Variants in RESF1 observed in about 807,000 individuals in gnomAD.
RESF1 encodes gonad expressed transcript.
RESF1 carries 65 observed loss-of-function variants against 134.7 expected under a neutral mutation model. The observed-to-expected ratio is 0.48, with a 90% confidence interval of 0.40 to 0.59. RESF1 has a LOEUF of 0.59. RESF1 is among the 20% of genes least tolerant of loss of function. RESF1 has a pLI of 0.00. For missense variants in RESF1, 2,274 were observed against 2,002.7 expected (o/e 1.14, Z -2.59); for synonymous variants, 762 against 702.2 (o/e 1.09, Z -1.35).
At position 31,984,552 on chromosome 12, in the gene RESF1, G is replaced by A. The variant is rs752064874; in HGVS notation, c.3597G>A (p.Glu1199=). The change falls in exon 4 of 6, where the codon GAG becomes GAA. Residue 1199 remains glutamate (E), a synonymous_variant. Coordinates refer to ENST00000312561, the MANE Select transcript of RESF1 (RefSeq NM_018169.4). ...QCNSIKNSSS[E]EEKQKEQCSP... The stretch of plus-strand genomic sequence containing the variant: ...ATTCCATCAAGAACTCATCTTCAGA[G>A]GAAGAGAAACAAAAAGAGCAGTGTT... 2.5e-6 allele frequency: 4 copies of A among 1,587,562 alleles called. No individual in the cohort carries two copies. Among genetic ancestry groups the A allele is most frequent in the Non-Finnish European group, 2.6e-6 (3 of 1,168,682 alleles).
At chr12:31,986,099 G>C in intron 4 of RESF1, 142 bp downstream of exon 4, 1 of 453,758 alleles carries the variant, frequency 2.2e-6, no homozygotes, top group Non-Finnish European at 3.7e-6. Flanking sequence ...TGTTTTGCCT[G>C]GTAAACCAAT....
chr12:31,982,290 A>G lies in RESF1; in HGVS notation c.1335A>G (p.Leu445=). ...SEPAQNSKLS[L]KQTAKIQSGP... is the part of the protein sequence containing the mutation. ...CAGCTCAGAATTCTAAATTGTCTCT[A>G]AAACAAACTGCCAAAATCCAGTCTG... Residue 445 remains leucine (L), a synonymous_variant, in exon 4 of 6, where the codon CTA becomes CTG. Transcript: ENST00000312561. 6.2e-7 allele frequency: 1 copy of G among 1,614,144 alleles called. No homozygotes were observed. The highest frequency in any genetic ancestry group is 8.5e-7 in the Non-Finnish European group (1 of 1,180,036).
chr12:31,973,117 G>A (rs931260745), intron 3 of RESF1, among the ~76,000 whole-genome samples: 2 of 152,052 alleles, frequency 1.3e-5, no homozygotes, highest in East Asian at 1.9e-4. Context: ...ATCTTGGGGC[G>A]AGAATTTATT....
chr12:31,964,625 T>G (rs1369410840), intron 2 of RESF1, among the ~76,000 whole-genome samples: 1 of 152,220 alleles, frequency 6.6e-6, no homozygotes, highest in Non-Finnish European at 1.5e-5. Flanking sequence ...TTGGTCTACA[T>G]CCATAGACAC....
intron 5 of RESF1, 108 bp from the exon 6 acceptor site, chr12:31,992,270 C>A: frequency 1.0e-6 from 1 of 961,852 alleles, no homozygotes; most frequent in Non-Finnish European, 1.6e-6. Context: ...TAACTCCTTG[C>A]CTTAATTTTT....
Position 31,987,180 on chromosome 12 carries a change from A to G in RESF1, c.5003-59A>G, listed in dbSNP as rs143924012. On this transcript the variant is annotated intron_variant, in intron 4 of 5. Coordinates refer to ENST00000312561, the MANE Select transcript of RESF1 (RefSeq NM_018169.4). ...TCAGCTTACATGATTTTCCTTTGTTATAGTACTAAAGGAGATGATTAGCAA... is the reference window on the plus strand; with the variant it reads ...TCAGCTTACATGATTTTCCTTTGTTGTAGTACTAAAGGAGATGATTAGCAA... The G allele has an allele frequency of 1.4e-4, 130 of 908,440 alleles. No individual in the cohort carries two copies. The African/African-American group carries it at 1.9e-3, about 13-fold the overall frequency. The allele number at this position is 908,440 out of a possible 1,614,324, so 56.3% of individuals were successfully genotyped here.
In RESF1 at chr12:31,982,481, A is replaced by G. The variant is rs142900295; in HGVS notation, c.1526A>G (p.Tyr509Cys). 5.6e-6 allele frequency: 9 copies of G among 1,613,622 alleles called. No individual in the cohort carries two copies. The African/African-American group carries it at 6.7e-5, about 12-fold the overall frequency. The change falls in exon 4 of 6, where the codon TAT becomes TGT. Residue 509 changes from tyrosine to cysteine, a missense_variant. Transcript: ENST00000312561. ...QVDSVLPNPV[Y>C]SEKRPMPDSS... ...GATTCTGTTTTACCAAATCCTGTCT[A>G]TTCTGAAAAGCGGCCAATGCCAGAC...
intron 1 of RESF1, chr12:31,959,783 C>G (rs1592246358): frequency 6.6e-6 from 1 of 151,974 alleles, no homozygotes; most frequent in Admixed American, 6.6e-5. Flanking sequence ...AGCCTTGCAC[C>G]GGAGGGCGGG....
chr12:31,961,303 GT>G lies in RESF1; in HGVS notation c.-247+433del, dbSNP rs1939261775. ...GGGCTTTCATCTGTAACCACAAAGT[GT>G]GTTAGGAAGTCTCACCTAATGATTA... On this transcript the variant is annotated intron_variant, in intron 2 of 5. Transcript: ENST00000312561. Among the ~76,000 whole-genome samples the G allele has an allele frequency of 2.6e-5, 4 of 152,230 alleles. 1 individual carries two copies. Among genetic ancestry groups the G allele is most frequent in the South Asian group, 4.1e-4 (2 of 4,834 alleles).
At chr12:31,980,801 A>G (rs890746350) in intron 3 of RESF1, 77 bp from the exon 4 acceptor site, 5 of 584,866 alleles carry the variant, frequency 8.5e-6, no homozygotes, top group Non-Finnish European at 1.5e-5. Context: ...ATTAGGATGG[A>G]CAGTCAGCTA....
Position 31,981,671 on chromosome 12 carries a change from A to T in RESF1, c.716A>T (p.His239Leu). The change falls in exon 4 of 6, where the codon CAT (histidine) becomes CTT (leucine). Residue 239 changes from histidine to leucine, a missense_variant. Transcript: ENST00000312561. ...ATTCAAAAACAAAACTTTATACCAC[A>T]TACATCATTGCAAGTTAAAAATAGT... is the stretch of plus-strand genomic sequence containing the variant. Reference protein sequence around the residue: ...STIQKQNFIPHTSLQVKNSQL... With the variant: ...STIQKQNFIPLTSLQVKNSQL... 1 of 1,613,902 alleles carries T rather than the reference A, an allele frequency of 6.2e-7. No individual in the cohort carries two copies. Among genetic ancestry groups the T allele is most frequent in the Non-Finnish European group, 8.5e-7 (1 of 1,179,970 alleles).
rs894085076 is a variant in RESF1, at chr12:31,980,880, T to G, written c.-76T>G. 8.4e-6 allele frequency: 9 copies of G among 1,066,068 alleles called. No individual in the cohort carries two copies. The African/African-American group carries it at 1.3e-4, about 15-fold the overall frequency. 66.0% of individuals were successfully genotyped at this position (1,066,068 alleles called of 1,614,324 possible). On this transcript the variant is annotated splice_region_variant and 5_prime_UTR_variant, in exon 4 of 6. The change creates a new upstream start codon in the 5' untranslated region. Coordinates refer to ENST00000312561, the MANE Select transcript of RESF1 (RefSeq NM_018169.4). Reference sequence around the variant, plus strand: ...TAAAATATCTTTATTTCTTACAGATTCCTGACATTCAGACAACTGACTTGT... The same window carrying G: ...TAAAATATCTTTATTTCTTACAGATGCCTGACATTCAGACAACTGACTTGT...
Position 31,992,473 on chromosome 12 carries a change from AC to A in RESF1, c.5184del (p.Tyr1729ThrfsTer18), listed in dbSNP as rs1194341569. On this transcript the variant is annotated frameshift_variant, in exon 6 of 6. Transcript: ENST00000312561. LOFTEE classifies it high-confidence loss of function. ...PVKDSKEMFQ[T>X]YKQMYLEKRS... ...AAAAGATTCAAAAGAAATGTTTCAA[AC>A]CTACAAACAGATGTACCTGGAGAAG... 1.9e-6 allele frequency: 3 copies of A among 1,614,068 alleles called. No homozygotes were observed. Among genetic ancestry groups the A allele is most frequent in the Non-Finnish European group, 2.5e-6 (3 of 1,179,948 alleles).
Position 31,983,085 on chromosome 12 carries a change from C to A in RESF1, c.2130C>A (p.Asn710Lys), listed in dbSNP as rs1052174121. 3 of 1,613,532 alleles carry A rather than the reference C, an allele frequency of 1.9e-6. No homozygotes were observed. Among genetic ancestry groups the A allele is most frequent in the Non-Finnish European group, 2.5e-6 (3 of 1,179,906 alleles). ...CAGTTGGAATTTCAAAGCCTGCTAA[C>A]ATCCACGTTAAGAGTCCTTGTTCAG... is the stretch of plus-strand genomic sequence containing the variant. ...TTAVGISKPA[N>K]IHVKSPCSVV... Residue 710 changes from asparagine (N) to lysine (K), a missense_variant, in exon 4 of 6, where the codon AAC (asparagine) becomes AAA (lysine). Transcript: ENST00000312561.
chr12:31,973,257 G>A (rs772860151), intron 3 of RESF1, among the ~76,000 whole-genome samples: 69 of 151,498 alleles, frequency 4.6e-4, no homozygotes, highest in Admixed American at 6.6e-4. Context: ...GACTGCAGCT[G>A]ACCCTTGAAC....
intron 3 of RESF1, among the ~76,000 whole-genome samples, chr12:31,980,246 G>T (rs1275139177): frequency 6.6e-6 from 1 of 151,416 alleles, no homozygotes; most frequent in East Asian, 2.0e-4. Flanking sequence ...TGAGTAGCTG[G>T]GATTACAGGT....
Position 31,981,965 on chromosome 12 carries a change from T to G in RESF1, c.1010T>G (p.Phe337Cys). 6.2e-7 allele frequency: 1 copy of G among 1,614,200 alleles called. No homozygotes were observed. Among genetic ancestry groups the G allele is most frequent in the Non-Finnish European group, 8.5e-7 (1 of 1,180,030 alleles). Residue 337 changes from phenylalanine to cysteine, a missense_variant, in exon 4 of 6, where the codon TTC (phenylalanine) becomes TGC (cysteine). Coordinates refer to ENST00000312561, the MANE Select transcript of RESF1 (RefSeq NM_018169.4). ...GAAAATGTCAGCACAATTGGAAATT[T>G]CACTAACTTGAAAGTAAATACCAAC... Reference protein sequence around the residue: ...PNENVSTIGNFTNLKVNTNSK... With the variant: ...PNENVSTIGNCTNLKVNTNSK...
rs1939763432 is a variant in RESF1 at position 31,980,753 on chromosome 12, T to C, written c.-78-125T>C. The C allele has an allele frequency of 6.1e-6, 3 of 489,382 alleles. No individual in the cohort carries two copies. The Admixed American group carries it at 1.1e-4, about 19-fold the overall frequency. 30.3% of individuals were successfully genotyped at this position (489,382 alleles called of 1,614,324 possible). A position where few individuals can be genotyped will look rare whatever the true frequency, so the allele number is the denominator to read the frequency against. ...TTGTATCCTCTATTGCTCCTCTTCTTCCCAAATTAAAGATGAGGCTGCTCT... is the reference window on the plus strand; with the variant it reads ...TTGTATCCTCTATTGCTCCTCTTCTCCCCAAATTAAAGATGAGGCTGCTCT... On this transcript the variant is annotated intron_variant, in intron 3 of 5. Transcript: ENST00000312561.
chr12:31,967,059 A>T (rs1471434205), intron 2 of RESF1, among the ~76,000 whole-genome samples: 1 of 152,146 alleles, frequency 6.6e-6, no homozygotes, highest in Non-Finnish European at 1.5e-5. Context: ...GCAGTTTCTC[A>T]TCTGCCTCCT....
Sources: allele counts gnomAD v4.1 joint callset (sites outside exome capture counted in the v4.1 genomes callset), GRCh38; gene constraint gnomAD v4.1.1; transcripts MANE v1.5; gene names NCBI Gene and HGNC (gene_info 2026-07-23, HGNC 2026-07-21).